Variants in SUFU observed in about 807,000 individuals in gnomAD.
The protein encoded by SUFU is suppressor of fused homolog.
Under a neutral mutation model 58.9 loss-of-function variants are expected in SUFU, and 7 were observed. That is an observed-to-expected ratio of 0.12 (90% CI 0.07 to 0.22). SUFU has a LOEUF of 0.22. Among genes scored for constraint, SUFU ranks in the 10% least tolerant of loss-of-function variants. SUFU has a pLI of 1.00. For synonymous variants in SUFU, 232 were observed against 254.8 expected (o/e 0.91, Z 0.85); for missense variants, 451 against 641.3 (o/e 0.70, Z 3.20).
chr10:102,576,242 C>T (rs1372438243), intron 3 of SUFU, among the ~76,000 whole-genome samples: 1 of 152,132 alleles, frequency 6.6e-6, no homozygotes, highest in African/African-American at 2.4e-5. Context: ...CCCTCTTTAT[C>T]CATTTGGTGT....
At chr10:102,550,230 C>A in intron 3 of SUFU, 124 bp downstream of exon 3, 1 of 1,450,094 alleles carries the variant, frequency 6.9e-7, no homozygotes, top group Non-Finnish European at 9.4e-7. Context: ...TGCCCCAATT[C>A]TACCATGAGG....
chr10:102,513,574 A>G (rs1002160424), intron 2 of SUFU, among the ~76,000 whole-genome samples: 1 of 152,260 alleles, frequency 6.6e-6, no homozygotes, highest in African/African-American at 2.4e-5. Flanking sequence ...AATAAATGCT[A>G]CAGTCCATGG....
chr10:102,571,099 A>C (rs895564412), intron 3 of SUFU, among the ~76,000 whole-genome samples: 1 of 152,210 alleles, frequency 6.6e-6, no homozygotes, highest in Non-Finnish European at 1.5e-5. Flanking sequence ...CACAGTAAGA[A>C]AATCGTATCA....
chr10:102,503,266 A>T (rs2062273860), upstream of SUFU, among the ~76,000 whole-genome samples: 1 of 152,228 alleles, frequency 6.6e-6, no homozygotes, highest in Non-Finnish European at 1.5e-5. Context: ...TAAGTTTAAA[A>T]ACCTGTACAT....
chr10:102,619,586 T>C lies in SUFU; in HGVS notation c.1296+2158T>C, dbSNP rs1359304284. On this transcript the variant is annotated intron_variant, in intron 10 of 11. Coordinates refer to ENST00000369902, the MANE Select transcript of SUFU (RefSeq NM_016169.4). The surrounding 1 kb of genome is among the most constrained non-coding windows in gnomAD (Gnocchi z 4.2). Reference sequence around the variant, plus strand: ...CACCCACCCTTGATCACCGAGGGGTTTCTCAGGCCCTTTCCAAGGAGCCCT... The same window carrying C: ...CACCCACCCTTGATCACCGAGGGGTCTCTCAGGCCCTTTCCAAGGAGCCCT... The C allele has an allele frequency of 1.2e-6, 1 of 845,208 alleles. No homozygotes were observed. The highest frequency in any genetic ancestry group is 1.5e-6 in the Non-Finnish European group (1 of 684,788). The allele number at this position is 845,208 out of a possible 1,614,324, so 52.4% of individuals were successfully genotyped here.
rs534579055 is a variant in SUFU, at chr10:102,567,232, C to T, written c.454+17126C>T. Among the ~76,000 whole-genome samples the T allele has an allele frequency of 5.9e-5, 9 of 151,594 alleles. 1 individual carries two copies. Among genetic ancestry groups the T allele is most frequent in the Admixed American group, 5.3e-4 (8 of 15,226 alleles). ...TTCACTGTGTTAGCCAGGAGGGTCT[C>T]GATCTCCTGACCTCGTGATCCGCCT... On this transcript the variant is annotated intron_variant, in intron 3 of 11. Coordinates refer to ENST00000369902, the MANE Select transcript of SUFU (RefSeq NM_016169.4).
chr10:102,611,462 G>A (rs985429998), intron 8 of SUFU, among the ~76,000 whole-genome samples: 2 of 152,228 alleles, frequency 1.3e-5, no homozygotes, highest in Non-Finnish European at 2.9e-5. Context: ...CACTCAAGGA[G>A]TCAGGAGCTC....
At chr10:102,624,682 T>C (rs2063770830) in intron 10 of SUFU, among the ~76,000 whole-genome samples, 1 of 152,172 alleles carries the variant, frequency 6.6e-6, no homozygotes, top group African/African-American at 2.4e-5. Flanking sequence ...CCGCGCATGG[T>C]CGTTGCTCTA....
chr10:102,573,214 T>G, intron 3 of SUFU: 1 of 734,716 alleles, frequency 1.4e-6, no homozygotes, highest in South Asian at 1.4e-5. Context: ...CCTTCTTTGC[T>G]TTCGGCACCG....
At chr10:102,527,500 T>G (rs552125583) in intron 2 of SUFU, among the ~76,000 whole-genome samples, 2 of 150,278 alleles carry the variant, frequency 1.3e-5, no homozygotes, top group Admixed American at 1.3e-4. Context: ...ACCATTAAGA[T>G]ATATATATAT....
intron 9 of SUFU, among the ~76,000 whole-genome samples, chr10:102,615,977 TGC>T (rs142151897): frequency 0.54 from 79,676 of 148,618 alleles, 21,474 homozygotes; most frequent in Middle Eastern, 0.63. Context: ...GAGTCTCAGG[TGC>T]CCCCAGCCAC....
At chr10:102,549,608 G>A (rs1052687248) in intron 2 of SUFU, among the ~76,000 whole-genome samples, 7 of 152,314 alleles carry the variant, frequency 4.6e-5, no homozygotes, top group Admixed American at 4.6e-4. Flanking sequence ...CCTATTAATA[G>A]CTTGAAGGAA....
chr10:102,622,408 G>A (rs1446536458), intron 10 of SUFU, among the ~76,000 whole-genome samples: 2 of 151,984 alleles, frequency 1.3e-5, no homozygotes, highest in South Asian at 2.1e-4. Context: ...TCGGGAGTTC[G>A]AGACCAGCCT....
At chr10:102,588,730 C>CT (rs1176657571) in intron 3 of SUFU, among the ~76,000 whole-genome samples, 1 of 152,148 alleles carries the variant, frequency 6.6e-6, no homozygotes, top group Non-Finnish European at 1.5e-5. Context: ...CTCAACAACA[C>CT]TAAGTCTTCC....
At chr10:102,598,557 C>G (rs1222034806) in intron 7 of SUFU, among the ~76,000 whole-genome samples, 1 of 152,142 alleles carries the variant, frequency 6.6e-6, no homozygotes, top group Non-Finnish European at 1.5e-5. Context: ...TTGCTTTTGA[C>G]AAAAGAGGTG....
chr10:102,613,817 C>T (rs2063652111), intron 8 of SUFU, among the ~76,000 whole-genome samples: 1 of 152,194 alleles, frequency 6.6e-6, no homozygotes, highest in South Asian at 2.1e-4. Context: ...CAAAGGGACC[C>T]TGTGTCCCAG....
intron 3 of SUFU, chr10:102,579,841 A>G (rs1266234494): frequency 2.0e-6 from 2 of 985,314 alleles, no homozygotes; most frequent in South Asian, 4.7e-5. Flanking sequence ...AACTGCATCC[A>G]GAACTTTGAA....
chr10:102,508,139 AT>A (rs2062353744), intron 1 of SUFU, among the ~76,000 whole-genome samples: 1 of 151,644 alleles, frequency 6.6e-6, no homozygotes, highest in Non-Finnish European at 1.5e-5. Context: ...CACCTGGCTA[AT>A]TTTTTGTATC....
At position 102,605,550 on chromosome 10, in the gene SUFU, C is replaced by T. The variant is rs374842094; in HGVS notation, c.1022+6006C>T. Among the ~76,000 whole-genome samples the T allele has an allele frequency of 2.3e-4, 35 of 152,250 alleles. No individual in the cohort carries two copies. The East Asian group carries it at 6.4e-3, about 28-fold the overall frequency. On this transcript the variant is annotated intron_variant, in intron 8 of 11. Transcript: ENST00000369902. ...CATTTGGTTATTGGTGTTTACTATT[C>T]ACCTTTTGTGGCCTTTTACTCCTAT...
Sources: gnomAD v4.1 joint callset for allele counts (sites outside exome capture counted in the v4.1 genomes callset) on GRCh38, gnomAD v4.1.1 for gene constraint, Gnocchi (gnomAD v3.1) non-coding constraint, MANE v1.5 for transcripts, NCBI Gene and HGNC (gene_info 2026-07-23, HGNC 2026-07-21) for gene names.